The following CTNNA3 variants were observed in gnomAD, a reference collection of about 807,000 sequenced individuals.
The protein encoded by CTNNA3 is catenin alpha-3.
A neutral mutation model predicts 95.7 loss-of-function variants in CTNNA3; 76 were observed. The ratio of observed to expected loss-of-function variants is 0.79; its 90% CI spans 0.66 to 0.96. The LOEUF is 0.96. Ranked by LOEUF, CTNNA3 falls within the 40% of genes least tolerant of loss-of-function variation. The pLI is 0.00. For synonymous variants in CTNNA3, 431 were observed against 374.4 expected, an observed-to-expected ratio of 1.15 and a Z score of -1.74; for missense variants, 1,191 against 1,089.8, an observed-to-expected ratio of 1.09 and a Z score of -1.31.
At chr10:67,379,750 G>A (rs1000341303) in intron 5 of CTNNA3, among the ~76,000 whole-genome samples, 1 of 151,980 alleles carries the variant, frequency 6.6e-6, no homozygotes, top group East Asian at 1.9e-4. Context: ...GGCCGGGCGC[G>A]GTGGCTCACG....
chr10:66,115,586 TAGATAGAGATAGAGATAG>T (rs71035111), intron 13 of CTNNA3, among the ~76,000 whole-genome samples: 1,352 of 118,112 alleles, frequency 0.011, 21 homozygotes, highest in African/African-American at 0.037. Context: ...AGATGATAGA[TAGATAGAGATAGAGATAG>T]AGATAGAGAT....
chr10:67,106,913 C>T (rs1339034933), intron 7 of CTNNA3, among the ~76,000 whole-genome samples: 2 of 152,122 alleles, frequency 1.3e-5, no homozygotes, highest in African/African-American at 2.4e-5. Context: ...AAGGGACTTA[C>T]AGTCTTAGCA....
At chr10:67,237,379 G>T (rs1865534605) in intron 5 of CTNNA3, among the ~76,000 whole-genome samples, 1 of 151,046 alleles carries the variant, frequency 6.6e-6, no homozygotes, top group African/African-American at 2.4e-5. Context: ...GGGGACTTGG[G>T]GTGGGGAGGT....
chr10:66,115,551 TAGATAGATAGATAGATAGAC>T (rs1453515428), intron 13 of CTNNA3, among the ~76,000 whole-genome samples: 3 of 146,502 alleles, frequency 2.0e-5, no homozygotes, highest in Non-Finnish European at 4.5e-5. Context: ...GATAGATAGA[TAGATAGATAGATAGATAGAC>T]AGATAGATGA....
chr10:67,635,355 G>T (rs975694765), intron 2 of CTNNA3, among the ~76,000 whole-genome samples: 3 of 152,132 alleles, frequency 2.0e-5, no homozygotes, highest in Non-Finnish European at 4.4e-5. Context: ...ATCTGGCAGA[G>T]ATACAACCAA....
At chr10:67,155,152 T>C (rs989633008) in intron 7 of CTNNA3, among the ~76,000 whole-genome samples, 1 of 143,194 alleles carries the variant, frequency 7.0e-6, no homozygotes, top group African/African-American at 2.7e-5. Context: ...AGCATGTCTC[T>C]TTAGTTCATT....
At chr10:66,476,327 A>G (rs1310105388) in intron 11 of CTNNA3, among the ~76,000 whole-genome samples, 4 of 152,110 alleles carry the variant, frequency 2.6e-5, no homozygotes, top group Admixed American at 6.6e-5. Flanking sequence ...ATGTTTACCT[A>G]TGTACCAAAA....
chr10:67,205,328 C>A (rs1267469118), intron 6 of CTNNA3, among the ~76,000 whole-genome samples: 1 of 152,116 alleles, frequency 6.6e-6, no homozygotes, highest in East Asian at 1.9e-4. Context: ...TTCTGTTCTG[C>A]TATTCATCCT....
intron 9 of CTNNA3, among the ~76,000 whole-genome samples, chr10:66,741,373 C>T (rs1173253612): frequency 6.6e-6 from 1 of 152,140 alleles, no homozygotes; most frequent in Non-Finnish European, 1.5e-5. Flanking sequence ...TACCAAAGTA[C>T]TTTGTGAGTA....
At chr10:67,014,059 C>A (rs79464362) in intron 7 of CTNNA3, among the ~76,000 whole-genome samples, 220 of 152,206 alleles carry the variant, frequency 1.4e-3, no homozygotes, top group African/African-American at 5.0e-3. Context: ...TAAAAAATAA[C>A]CTTTTTTCCC....
intron 12 of CTNNA3, among the ~76,000 whole-genome samples, chr10:66,341,309 C>T (rs537202076): frequency 6.6e-6 from 1 of 152,002 alleles, no homozygotes; most frequent in Non-Finnish European, 1.5e-5. Flanking sequence ...AAAATAGTCT[C>T]TTTGCCATGC....
chr10:66,463,223 T>C (rs1433666380), intron 11 of CTNNA3, among the ~76,000 whole-genome samples: 1 of 152,144 alleles, frequency 6.6e-6, no homozygotes. Flanking sequence ...AGAACCTTCA[T>C]GAATGGCCTG....
At chr10:67,624,552 T>C (rs182638832) in intron 2 of CTNNA3, among the ~76,000 whole-genome samples, 28 of 152,328 alleles carry the variant, frequency 1.8e-4, no homozygotes, top group Admixed American at 1.0e-3. Context: ...GAAATAAATT[T>C]TGTGTGTCTT....
chr10:67,562,469 A>G (rs4746689), intron 3 of CTNNA3, among the ~76,000 whole-genome samples: 19 of 151,544 alleles, frequency 1.3e-4, no homozygotes, highest in African/African-American at 4.1e-4. Context: ...CAATAAATTA[A>G]GTATTGATGG....
intron 14 of CTNNA3, among the ~76,000 whole-genome samples, chr10:66,084,248 T>C (rs921798853): frequency 2.0e-5 from 3 of 152,028 alleles, no homozygotes; most frequent in Non-Finnish European, 4.4e-5. Context: ...CTGCAGGCTC[T>C]GAAAGTATGG....
At position 66,306,696 on chromosome 10, in the gene CTNNA3, C is replaced by T. The variant is rs187340679; in HGVS notation, c.1733-26075G>A. On this transcript the variant is annotated intron_variant, in intron 12 of 17. Transcript: ENST00000433211. ...ACGACCATCGAGTACTTACGCTCTG[C>T]AAAAAATGTGTACTTGTCTGCCCTT... 3.3e-5 allele frequency among the ~76,000 whole-genome samples: 5 copies of T among 152,194 alleles called. No individual in the cohort carries two copies. In the South Asian group the frequency reaches 6.2e-4, roughly 19 times the overall value.
intron 7 of CTNNA3, among the ~76,000 whole-genome samples, chr10:66,778,323 C>T (rs1042687552): frequency 1.3e-5 from 2 of 152,152 alleles, no homozygotes; most frequent in Non-Finnish European, 2.9e-5. Context: ...TAGCCCCGTC[C>T]TGCTTAAAGG....
chr10:67,320,692 G>C (rs1467741061), intron 5 of CTNNA3, among the ~76,000 whole-genome samples: 1 of 152,164 alleles, frequency 6.6e-6, no homozygotes, highest in East Asian at 1.9e-4. Flanking sequence ...ATAAATGTTA[G>C]TGAAATGAAT....
At chr10:67,553,860 T>A (rs1462232588) in intron 3 of CTNNA3, among the ~76,000 whole-genome samples, 1 of 152,090 alleles carries the variant, frequency 6.6e-6, no homozygotes, top group Non-Finnish European at 1.5e-5. Flanking sequence ...GCTGCACCCA[T>A]TAACTCATCA....
Sources: allele counts gnomAD v4.1 joint callset (sites outside exome capture counted in the v4.1 genomes callset), GRCh38; gene constraint gnomAD v4.1.1; transcripts MANE v1.5; gene names NCBI Gene and HGNC (gene_info 2026-07-23, HGNC 2026-07-21).